Variants in SERGEF observed in about 807,000 individuals in gnomAD.
SERGEF encodes the protein secretion regulating guanine nucleotide exchange factor.
SERGEF carries 51 observed loss-of-function variants against 50.0 expected under a neutral mutation model. That is an observed-to-expected ratio of 1.02 (90% CI 0.81 to 1.29). SERGEF has a LOEUF of 1.29. Among genes scored for constraint, SERGEF ranks in the 50% most tolerant of loss-of-function variants. The pLI, the probability that SERGEF is intolerant of heterozygous loss-of-function variation, is 0.00. For synonymous variants in SERGEF, 205 were observed against 212.4 expected (o/e 0.97, Z 0.30); for missense variants, 521 against 557.0 (o/e 0.94, Z 0.65).
At chr11:17,872,565 T>C (rs1851160623) in intron 10 of SERGEF, among the ~76,000 whole-genome samples, 1 of 152,214 alleles carries the variant, frequency 6.6e-6, no homozygotes, top group African/African-American at 2.4e-5. Context: ...ATAGCCCCTA[T>C]GGAGGCCAAT....
At chr11:17,906,822 A>G (rs1274060887) in intron 9 of SERGEF, among the ~76,000 whole-genome samples, 8 of 106,308 alleles carry the variant, frequency 7.5e-5, no homozygotes, top group African/African-American at 2.9e-4. Flanking sequence ...CTTCTATCAA[A>G]TAAGAAAAAA....
At chr11:18,010,718 C>T (rs1201435445) in intron 1 of SERGEF, among the ~76,000 whole-genome samples, 1 of 152,166 alleles carries the variant, frequency 6.6e-6, no homozygotes, top group Admixed American at 6.5e-5. Context: ...AAACTAAACT[C>T]CAGGAGGGCA....
intron 10 of SERGEF, among the ~76,000 whole-genome samples, chr11:17,864,693 G>A (rs994699457): frequency 6.6e-6 from 1 of 152,168 alleles, no homozygotes; most frequent in Admixed American, 6.5e-5. Flanking sequence ...AACCAAGAGA[G>A]CTAAAAAACT....
chr11:17,916,850 A>G (rs1852057643), intron 9 of SERGEF, among the ~76,000 whole-genome samples: 1 of 152,228 alleles, frequency 6.6e-6, no homozygotes, highest in African/African-American at 2.4e-5. Context: ...CATCCCTGTT[A>G]TCCCCCTAGC....
At chr11:17,853,797 C>T (rs1850759011) in intron 10 of SERGEF, 1 of 152,074 alleles carries the variant, frequency 6.6e-6, no homozygotes, top group Admixed American at 6.6e-5. Context: ...TTTGAGAAGC[C>T]TGGCCAACAT....
intron 3 of SERGEF, among the ~76,000 whole-genome samples, chr11:18,004,922 T>C (rs1854042752): frequency 6.6e-6 from 1 of 152,214 alleles, no homozygotes; most frequent in Admixed American, 6.5e-5. Flanking sequence ...AGCGGTCATG[T>C]AACCAACTGG....
intron 10 of SERGEF, among the ~76,000 whole-genome samples, chr11:17,811,637 T>C (rs1027686644): frequency 4.6e-5 from 7 of 152,250 alleles, no homozygotes; most frequent in Admixed American, 4.6e-4. Context: ...ATACACTTCC[T>C]GGCCAAGTCC....
At chr11:17,954,775 G>C (rs1249521959) in intron 9 of SERGEF, among the ~76,000 whole-genome samples, 3 of 152,186 alleles carry the variant, frequency 2.0e-5, no homozygotes, top group African/African-American at 7.2e-5. Context: ...TTTAAACCAG[G>C]AACATGACTC....
In SERGEF at chr11:17,978,251, C is replaced by G. The variant is rs533790665; in HGVS notation, c.844+10346G>C. On this transcript the variant is annotated intron_variant, in intron 8 of 10. Coordinates refer to ENST00000265965, the MANE Select transcript of SERGEF (RefSeq NM_012139.4). Reference sequence around the variant, plus strand: ...TAAGTACTTGGCAAACACTGGCTCCCTGCCCTAACCTGATCCCCTTGGAAA... The same window carrying G: ...TAAGTACTTGGCAAACACTGGCTCCGTGCCCTAACCTGATCCCCTTGGAAA... Among the ~76,000 whole-genome samples the G allele has an allele frequency of 6.6e-5, 10 of 152,220 alleles. No homozygotes were observed. The South Asian group carries it at 2.1e-3, about 32-fold the overall frequency.
At chr11:17,971,230 C>T (rs1853243800) in intron 8 of SERGEF, among the ~76,000 whole-genome samples, 2 of 151,940 alleles carry the variant, frequency 1.3e-5, no homozygotes, top group African/African-American at 4.8e-5. Flanking sequence ...GAAGCTGTTT[C>T]CAAAAAAGTG....
chr11:17,976,304 G>C (rs1853370776), intron 8 of SERGEF, among the ~76,000 whole-genome samples: 1 of 151,884 alleles, frequency 6.6e-6, no homozygotes, highest in African/African-American at 2.4e-5. Flanking sequence ...ATTTATTTTT[G>C]AGACGGAGAC....
At position 17,959,507 on chromosome 11, in the gene SERGEF, A is replaced by G. The variant is rs755775245; in HGVS notation, c.974T>C (p.Met325Thr). The change falls in exon 9 of 11, where the codon ATG becomes ACG. Residue 325 changes from methionine to threonine, a missense_variant. Transcript: ENST00000265965. ...FLPCSRPPNS[M>T]PSSPHCLTGA... ...AGTTAAGCAATGCGGAGACGAAGGCATGCTGTTCGGTGGTCTTGAACAGGG... is the reference window on the plus strand; with the variant it reads ...AGTTAAGCAATGCGGAGACGAAGGCGTGCTGTTCGGTGGTCTTGAACAGGG... 1.2e-6 allele frequency: 2 copies of G among 1,614,088 alleles called. No individual in the cohort carries two copies. Among genetic ancestry groups the G allele is most frequent in the South Asian group, 1.1e-5 (1 of 91,078 alleles).
At chr11:17,954,009 C>T (rs1421800351) in intron 9 of SERGEF, among the ~76,000 whole-genome samples, 3 of 152,224 alleles carry the variant, frequency 2.0e-5, no homozygotes, top group African/African-American at 7.2e-5. Context: ...CACACTACTA[C>T]CCATTTTAAG....
chr11:17,812,751 T>G (rs1255756634), intron 10 of SERGEF, among the ~76,000 whole-genome samples: 1 of 152,240 alleles, frequency 6.6e-6, no homozygotes, highest in Non-Finnish European at 1.5e-5. Context: ...ATTATACTGC[T>G]TACTTACTCT....
intron 9 of SERGEF, among the ~76,000 whole-genome samples, chr11:17,941,637 G>C (rs971754149): frequency 2.0e-5 from 3 of 152,048 alleles, no homozygotes; most frequent in Admixed American, 2.0e-4. Context: ...CAACTCTTTT[G>C]GATATATATC....
intron 10 of SERGEF, among the ~76,000 whole-genome samples, chr11:17,795,494 C>T (rs1373653340): frequency 6.6e-6 from 1 of 152,166 alleles, no homozygotes; most frequent in Non-Finnish European, 1.5e-5. Flanking sequence ...TGGTCTAGGT[C>T]CTCCCATGGA....
chr11:17,905,073 T>A (rs1203615561), intron 9 of SERGEF, among the ~76,000 whole-genome samples: 1 of 152,238 alleles, frequency 6.6e-6, no homozygotes, highest in Admixed American at 6.5e-5. Context: ...AGTACATCTA[T>A]AAGAATATGG....
At chr11:17,832,082 T>A (rs1424747978) in intron 10 of SERGEF, among the ~76,000 whole-genome samples, 3 of 152,220 alleles carry the variant, frequency 2.0e-5, no homozygotes, top group African/African-American at 7.2e-5. Context: ...TTGTCTGACC[T>A]TGGGTTAGCA....
At chr11:17,955,900 A>G (rs1298287156) in intron 9 of SERGEF, among the ~76,000 whole-genome samples, 1 of 152,246 alleles carries the variant, frequency 6.6e-6, no homozygotes, top group Non-Finnish European at 1.5e-5. Context: ...TAGGGATTAG[A>G]GACCTTAGCT....
Sources: gnomAD v4.1 joint callset for allele counts (sites outside exome capture counted in the v4.1 genomes callset) on GRCh38, gnomAD v4.1.1 for gene constraint, MANE v1.5 for transcripts, NCBI Gene and HGNC (gene_info 2026-07-23, HGNC 2026-07-21) for gene names.